SLC26A8: variants seen among roughly 807,000 people sequenced by gnomAD.
SLC26A8 encodes the protein solute carrier family 26 member 8, also known as testis anion transporter 1.
A neutral mutation model predicts 105.0 loss-of-function variants in SLC26A8; 70 were observed. That is an observed-to-expected ratio of 0.67 (90% CI 0.55 to 0.81). SLC26A8 has a LOEUF of 0.81. Among genes scored for constraint, SLC26A8 ranks in the 40% least tolerant of loss-of-function variants. The pLI is 0.00. For missense variants in SLC26A8, 998 were observed against 1,181.8 expected, an observed-to-expected ratio of 0.84 and a Z score of 2.28; for synonymous variants, 415 against 438.3, an observed-to-expected ratio of 0.95 and a Z score of 0.66.
chr6:35,975,504 A>G lies in SLC26A8; in HGVS notation c.1174-16T>C. On this transcript the variant is annotated splice_polypyrimidine_tract_variant and intron_variant, in intron 9 of 19. Coordinates refer to ENST00000490799, the MANE Select transcript of SLC26A8 (RefSeq NM_052961.4). ...CTATTAAATCCTGTAAAGAAACAGC[A>G]GATGCTTTAGGCCCCCGTTTTTGTT... The G allele has an allele frequency of 1.3e-6, 2 of 1,524,602 alleles. No individual in the cohort carries two copies. The highest frequency in any genetic ancestry group is 1.8e-6 in the Non-Finnish European group (2 of 1,103,610). 94.4% of individuals were successfully genotyped at this position (1,524,602 alleles called of 1,614,324 possible).
rs143920226 is a variant in SLC26A8 at position 36,002,888 on chromosome 6, G to C, written c.329-2780C>G. On this transcript the variant is annotated intron_variant, in intron 3 of 19. Transcript: ENST00000490799. ...CCGGCTAATTTTTGTATTTTTAGTA[G>C]AGACGGGGTTTCACCATGTTGGCCA... is the stretch of plus-strand genomic sequence containing the variant. 6.5e-4 allele frequency among the ~76,000 whole-genome samples: 99 copies of C among 151,986 alleles called. 1 individual carries two copies. The highest frequency in any genetic ancestry group is 3.3e-3 in the Admixed American group (51 of 15,252).
intron 3 of SLC26A8, among the ~76,000 whole-genome samples, chr6:36,011,851 T>C (rs1761866227): frequency 6.6e-6 from 1 of 152,176 alleles, no homozygotes; most frequent in African/African-American, 2.4e-5. Context: ...TCAAGCAATC[T>C]GTCTGCCTTG....
At position 35,951,311 on chromosome 6, in the gene SLC26A8, A is replaced by G; in HGVS notation, c.2324T>C (p.Phe775Ser). ...CTGGGTCTTGGTGATGCCAGCGTCA[A>G]AGAAATCATTCCTCTCAAATGCCCT... ...IVRAFERNDF[F>S]DAGITKTQLF... Residue 775 changes from phenylalanine to serine, a missense_variant, in exon 19 of 20, where the codon TTT becomes TCT. Phe to Ser is a radical substitution (Grantham distance 155). Coordinates refer to ENST00000490799, the MANE Select transcript of SLC26A8 (RefSeq NM_052961.4). 1 of 1,614,150 alleles carries G rather than the reference A, an allele frequency of 6.2e-7. No homozygotes were observed. Among genetic ancestry groups the G allele is most frequent in the South Asian group, 1.1e-5 (1 of 91,080 alleles).
At chr6:35,946,683 G>A (rs1233754180) in intron 19 of SLC26A8, among the ~76,000 whole-genome samples, 1 of 152,130 alleles carries the variant, frequency 6.6e-6, no homozygotes, top group Non-Finnish European at 1.5e-5. Flanking sequence ...TAAAAACATA[G>A]TAGATAATGT....
chr6:35,980,531 T>A (rs1193541806), intron 8 of SLC26A8, among the ~76,000 whole-genome samples: 1 of 152,124 alleles, frequency 6.6e-6, no homozygotes, highest in Non-Finnish European at 1.5e-5. Context: ...ATCCCACTGT[T>A]GTTCTTGTTA....
At chr6:35,966,552 C>G (rs1310667726) in intron 11 of SLC26A8, among the ~76,000 whole-genome samples, 1 of 152,036 alleles carries the variant, frequency 6.6e-6, no homozygotes, top group Admixed American at 6.6e-5. Flanking sequence ...ATTTTTCTTC[C>G]TCACAAAATT....
rs997321986 is a variant in SLC26A8 at position 35,992,400 on chromosome 6, G to C, written c.792+110C>G. On this transcript the variant is annotated intron_variant, in intron 6 of 19. Transcript: ENST00000490799. ...TACCCTCTTGACTGAGCTGCCTATAGGCTGTGTCTCCTTTCAGAAGGGGCG... is the reference window on the plus strand; with the variant it reads ...TACCCTCTTGACTGAGCTGCCTATACGCTGTGTCTCCTTTCAGAAGGGGCG... 4 of 1,145,722 alleles carry C rather than the reference G, an allele frequency of 3.5e-6. No homozygotes were observed. The African/African-American group carries it at 4.7e-5, about 13-fold the overall frequency. The allele number at this position is 1,145,722 out of a possible 1,614,324, so 71.0% of individuals were successfully genotyped here. A position where few individuals can be genotyped will look rare whatever the true frequency, so the allele number is the denominator to read the frequency against.
At position 35,992,491 on chromosome 6, in the gene SLC26A8, A is replaced by G; in HGVS notation, c.792+19T>C. ...AGGAGTGGCATTTGTAACTCTGGGT[A>G]AGAGTTGAAATTACTCACATAGAAG... On this transcript the variant is annotated intron_variant, in intron 6 of 19. Coordinates refer to ENST00000490799, the MANE Select transcript of SLC26A8 (RefSeq NM_052961.4). 6.2e-7 allele frequency: 1 copy of G among 1,602,652 alleles called. No homozygotes were observed. The highest frequency in any genetic ancestry group is 8.5e-7 in the Non-Finnish European group (1 of 1,174,398).
intron 7 of SLC26A8, among the ~76,000 whole-genome samples, chr6:35,990,970 T>C (rs1232874897): frequency 1.3e-5 from 2 of 152,200 alleles, no homozygotes; most frequent in African/African-American, 4.8e-5. Flanking sequence ...AGAATAAGCA[T>C]TGTGTGAGGG....
chr6:36,020,703 T>C (rs1190302303), intron 1 of SLC26A8, among the ~76,000 whole-genome samples: 1 of 152,192 alleles, frequency 6.6e-6, no homozygotes. Flanking sequence ...GATCCATCTC[T>C]GGGAGAAAGT....
chr6:35,987,393 A>G (rs1773564064), intron 7 of SLC26A8, among the ~76,000 whole-genome samples: 1 of 151,934 alleles, frequency 6.6e-6, no homozygotes, highest in African/African-American at 2.4e-5. Context: ...CTTTTTTTTG[A>G]GACAGAGTCT....
At chr6:36,005,544 T>A (rs767689757) in intron 3 of SLC26A8, among the ~76,000 whole-genome samples, 1 of 152,222 alleles carries the variant, frequency 6.6e-6, no homozygotes, top group Non-Finnish European at 1.5e-5. Flanking sequence ...TTCCTTATGA[T>A]TGTACTAAGG....
intron 19 of SLC26A8, among the ~76,000 whole-genome samples, chr6:35,949,215 T>C (rs12662048): frequency 0.16 from 24,526 of 152,008 alleles, 3,589 homozygotes; most frequent in African/African-American, 0.39. Flanking sequence ...GGGTAGATCA[T>C]GAGGTCAGGA....
At chr6:36,007,425 C>CA (rs1761721828) in intron 3 of SLC26A8, among the ~76,000 whole-genome samples, 1 of 152,036 alleles carries the variant, frequency 6.6e-6, no homozygotes, top group African/African-American at 2.4e-5. Context: ...CTGAAAACTA[C>CA]AAAAGGCTGA....
rs778733240 is a variant in SLC26A8 at position 35,951,507 on chromosome 6, G to C, written c.2233-8C>G. On this transcript the variant is annotated splice_region_variant and splice_polypyrimidine_tract_variant and intron_variant, in intron 17 of 19. Coordinates refer to ENST00000490799, the MANE Select transcript of SLC26A8 (RefSeq NM_052961.4). ...TTGAAAGGCATTGCATATCTGTGGG[G>C]GGAGAGAAAACCAGTATCAGAAGGC... 4 of 1,613,922 alleles carry C rather than the reference G, an allele frequency of 2.5e-6. No homozygotes were observed. Among genetic ancestry groups the C allele is most frequent in the Admixed American group, 1.7e-5 (1 of 59,994 alleles).
intron 2 of SLC26A8, among the ~76,000 whole-genome samples, chr6:36,017,838 C>T (rs534590482): frequency 1.1e-4 from 16 of 152,062 alleles, no homozygotes; most frequent in Non-Finnish European, 2.1e-4. Flanking sequence ...GACAAACAAC[C>T]TAATTTTACA....
At chr6:35,965,404 C>T (rs1264766887) in intron 11 of SLC26A8, among the ~76,000 whole-genome samples, 1 of 151,986 alleles carries the variant, frequency 6.6e-6, no homozygotes, top group African/African-American at 2.4e-5. Context: ...CCTGGCTGGG[C>T]GTGGTGGCTC....
chr6:35,960,725 G>T, intron 14 of SLC26A8, 118 bp downstream of exon 14: 1 of 939,958 alleles, frequency 1.1e-6, no homozygotes, highest in Non-Finnish European at 1.7e-6. Context: ...CCCCTCCTTT[G>T]TAAATGTGTA....
chr6:35,966,885 T>C (rs1772538139), intron 11 of SLC26A8, among the ~76,000 whole-genome samples: 1 of 152,232 alleles, frequency 6.6e-6, no homozygotes, highest in Non-Finnish European at 1.5e-5. Flanking sequence ...CCAACGTGTT[T>C]ATAATAAAGG....
Sources: gnomAD v4.1 joint callset for allele counts (sites outside exome capture counted in the v4.1 genomes callset) on GRCh38, gnomAD v4.1.1 for gene constraint, MANE v1.5 for transcripts, NCBI Gene and HGNC (gene_info 2026-07-23, HGNC 2026-07-21) for gene names.